The following UNC5D variants were observed in gnomAD, a reference collection of about 807,000 sequenced individuals.
The protein encoded by UNC5D is netrin receptor UNC5D.
A neutral mutation model predicts 105.4 loss-of-function variants in UNC5D; 39 were observed. The ratio of observed to expected loss-of-function variants is 0.37; its 90% CI spans 0.29 to 0.48. The LOEUF (loss-of-function observed/expected upper bound fraction) is 0.48, where lower values mean the gene tolerates loss of function less well. Among genes scored for constraint, UNC5D ranks in the 20% least tolerant of loss-of-function variants. The pLI, the probability that UNC5D is intolerant of heterozygous loss-of-function variation, is 0.98. For synonymous variants in UNC5D, 452 were observed against 450.4 expected, an observed-to-expected ratio of 1.00 and a Z score of -0.04; for missense variants, 991 against 1,202.4, an observed-to-expected ratio of 0.82 and a Z score of 2.60.
chr8:35,414,556 C>A (rs534657391), intron 1 of UNC5D, among the ~76,000 whole-genome samples: 4 of 151,960 alleles, frequency 2.6e-5, no homozygotes, highest in Non-Finnish European at 5.9e-5. Flanking sequence ...TATAATGATC[C>A]TTTCTTTTAT....
intron 1 of UNC5D, among the ~76,000 whole-genome samples, chr8:35,434,811 A>G (rs1806894533): frequency 6.6e-6 from 1 of 152,126 alleles, no homozygotes; most frequent in South Asian, 2.1e-4. Context: ...AAGCAAACAA[A>G]AAGTGTACAG....
At chr8:35,345,696 C>T (rs956493986) in intron 1 of UNC5D, among the ~76,000 whole-genome samples, 1 of 151,814 alleles carries the variant, frequency 6.6e-6, no homozygotes, top group Non-Finnish European at 1.5e-5. Context: ...TGTGTGCTCA[C>T]AAAAATTTAG....
intron 1 of UNC5D, among the ~76,000 whole-genome samples, chr8:35,336,207 C>T (rs531727739): frequency 6.6e-6 from 1 of 152,102 alleles, no homozygotes; most frequent in Admixed American, 6.5e-5. Context: ...AATTTTGAAG[C>T]TGCTTCTTTG....
At chr8:35,506,675 G>A (rs1812324186) in intron 1 of UNC5D, among the ~76,000 whole-genome samples, 2 of 152,218 alleles carry the variant, frequency 1.3e-5, no homozygotes, top group South Asian at 2.1e-4. Context: ...TGGACTTTTT[G>A]CTTTGGGTTG....
Position 35,303,021 on chromosome 8 carries a change from A to G in UNC5D, c.103+67134A>G, listed in dbSNP as rs146247384. 3.9e-3 allele frequency among the ~76,000 whole-genome samples: 596 copies of G among 152,218 alleles called. 6 individuals are homozygous for G. Among genetic ancestry groups the G allele is most frequent in the African/African-American group, 0.013 (561 of 41,566 alleles). On this transcript the variant is annotated intron_variant, in intron 1 of 16. Transcript: ENST00000404895. ...TAAAAAAGAGAAAAAGAAACAGGGG[A>G]AAGTAATTTTAAATATATATGTTAT... is the stretch of plus-strand genomic sequence containing the variant.
intron 13 of UNC5D, among the ~76,000 whole-genome samples, chr8:35,754,602 C>T (rs1227673752): frequency 6.6e-6 from 1 of 152,144 alleles, no homozygotes; most frequent in Non-Finnish European, 1.5e-5. Context: ...CTCCACCTGT[C>T]CTCTCAGAAC....
chr8:35,630,727 G>A (rs965905467), intron 4 of UNC5D, among the ~76,000 whole-genome samples: 3 of 151,982 alleles, frequency 2.0e-5, no homozygotes, highest in African/African-American at 4.8e-5. Flanking sequence ...AAATCTCCCC[G>A]CATCTACTTT....
chr8:35,739,248 CAG>C (rs776236661), intron 11 of UNC5D, among the ~76,000 whole-genome samples: 3 of 152,126 alleles, frequency 2.0e-5, no homozygotes, highest in Non-Finnish European at 4.4e-5. Flanking sequence ...GATTTCTTCA[CAG>C]AGTCATTTAG....
chr8:35,643,551 T>G (rs1822877032), intron 4 of UNC5D, among the ~76,000 whole-genome samples: 1 of 152,038 alleles, frequency 6.6e-6, no homozygotes, highest in Admixed American at 6.6e-5. Context: ...GGGTTTATAT[T>G]GTATTTTTAG....
chr8:35,555,947 C>T (rs531681935), intron 2 of UNC5D, among the ~76,000 whole-genome samples: 1 of 146,434 alleles, frequency 6.8e-6, no homozygotes, highest in African/African-American at 2.5e-5. Flanking sequence ...CTGAGGTTAG[C>T]CTAATGGTTA....
intron 2 of UNC5D, among the ~76,000 whole-genome samples, chr8:35,551,815 TA>T (rs202035262): frequency 6.4e-4 from 89 of 139,386 alleles, no homozygotes; most frequent in Admixed American, 6.4e-4. Flanking sequence ...AGACTCCGTC[TA>T]AAAAAAAAAA....
At chr8:35,428,253 C>T (rs1269540311) in intron 1 of UNC5D, among the ~76,000 whole-genome samples, 1 of 151,622 alleles carries the variant, frequency 6.6e-6, no homozygotes, top group African/African-American at 2.4e-5. Flanking sequence ...CATCTCAGCT[C>T]AAGGAGCCCT....
chr8:35,325,375 G>A (rs975479649), intron 1 of UNC5D, among the ~76,000 whole-genome samples: 2 of 152,162 alleles, frequency 1.3e-5, no homozygotes, highest in South Asian at 2.1e-4. Context: ...CTCATCAATG[G>A]TTTTGTAACA....
intron 1 of UNC5D, among the ~76,000 whole-genome samples, chr8:35,533,632 G>T (rs1483382999): frequency 6.6e-6 from 1 of 152,168 alleles, no homozygotes; most frequent in African/African-American, 2.4e-5. Context: ...AATGGCGGGC[G>T]CCCCTCCCCC....
chr8:35,383,061 C>T (rs770356898), intron 1 of UNC5D, among the ~76,000 whole-genome samples: 8 of 152,096 alleles, frequency 5.3e-5, no homozygotes, highest in South Asian at 4.1e-4. Context: ...GGTTTGACAG[C>T]GCTTTACAGT....
intron 1 of UNC5D, among the ~76,000 whole-genome samples, chr8:35,350,656 T>G (rs1812173508): frequency 6.6e-6 from 1 of 152,206 alleles, no homozygotes; most frequent in East Asian, 1.9e-4. Flanking sequence ...ATTTTTGGCA[T>G]AATAATTTAG....
intron 1 of UNC5D, among the ~76,000 whole-genome samples, chr8:35,339,531 G>A (rs1372210286): frequency 6.6e-6 from 1 of 152,210 alleles, no homozygotes; most frequent in African/African-American, 2.4e-5. Context: ...AGGTGCAAGG[G>A]AATTTCAGGA....
At chr8:35,244,908 C>G (rs1243372921) in intron 1 of UNC5D, among the ~76,000 whole-genome samples, 3 of 151,748 alleles carry the variant, frequency 2.0e-5, no homozygotes, top group African/African-American at 7.3e-5. Flanking sequence ...CCCAGCTACT[C>G]GGGAGGCTGA....
Position 35,684,618 on chromosome 8 carries a change from C to G in UNC5D, c.788C>G (p.Ala263Gly). Reference protein sequence around the residue: ...GGWSSWTEWSACNVRCGRGWQ... With the variant: ...GGWSSWTEWSGCNVRCGRGWQ... Reference sequence around the variant, plus strand: ...TGGTCTTCCTGGACAGAGTGGTCAGCCTGCAATGTTCGCTGTGGTAGAGGA... The same window carrying G: ...TGGTCTTCCTGGACAGAGTGGTCAGGCTGCAATGTTCGCTGTGGTAGAGGA... The change falls in exon 6 of 17, where the codon GCC becomes GGC. Residue 263 changes from alanine to glycine, a missense_variant. Ala to Gly is a moderately conservative substitution (Grantham distance 60, BLOSUM62 0). Transcript: ENST00000404895. 1 of 1,613,448 alleles carries G rather than the reference C, an allele frequency of 6.2e-7. No homozygotes were observed. Among genetic ancestry groups the G allele is most frequent in the South Asian group, 1.1e-5 (1 of 91,008 alleles).
Sources: gnomAD v4.1 joint callset for allele counts (sites outside exome capture counted in the v4.1 genomes callset) on GRCh38, gnomAD v4.1.1 for gene constraint, MANE v1.5 for transcripts, NCBI Gene and HGNC (gene_info 2026-07-23, HGNC 2026-07-21) for gene names.